Variants in CCDC30 observed in about 807,000 individuals in gnomAD.
The protein encoded by CCDC30 is coiled-coil domain-containing protein 30.
CCDC30 carries 70 observed loss-of-function variants against 100.2 expected under a neutral mutation model. That is an observed-to-expected ratio of 0.70 (90% CI 0.58 to 0.85). CCDC30 has a LOEUF of 0.85. Among genes scored for constraint, CCDC30 ranks in the 40% least tolerant of loss-of-function variants. CCDC30 has a pLI of 0.00. For missense variants in CCDC30, 652 were observed against 771.2 expected, an observed-to-expected ratio of 0.85 and a Z score of 1.83; for synonymous variants, 233 against 269.5, an observed-to-expected ratio of 0.86 and a Z score of 1.33.
rs1416800948 is a variant in CCDC30 at position 42,521,480 on chromosome 1, A to C, written c.456+22564A>C. On this transcript the variant is annotated intron_variant, in intron 6 of 16. Transcript: ENST00000668663. ...GACTTAATTTGTGGTTTAACATATGATCTATCTTGTAGATTGTCCTGTGTG... is the reference window on the plus strand; with the variant it reads ...GACTTAATTTGTGGTTTAACATATGCTCTATCTTGTAGATTGTCCTGTGTG... Among the ~76,000 whole-genome samples, 8 of 152,272 alleles carry C rather than the reference A, an allele frequency of 5.3e-5. No individual in the cohort carries two copies. The East Asian group carries it at 1.5e-3, about 29-fold the overall frequency.
At chr1:42,532,548 C>CTA (rs1644821935) in intron 6 of CCDC30, among the ~76,000 whole-genome samples, 1 of 152,170 alleles carries the variant, frequency 6.6e-6, no homozygotes, top group South Asian at 2.1e-4. Flanking sequence ...TATTGAGCAT[C>CTA]TATCATGTGT....
intron 6 of CCDC30, among the ~76,000 whole-genome samples, chr1:42,505,718 G>A (rs967095909): frequency 1.3e-5 from 2 of 152,182 alleles, no homozygotes; most frequent in African/African-American, 2.4e-5. Flanking sequence ...TTAAATACCT[G>A]TGAGTTGGGT....
At chr1:42,538,147 CACAAAAAA>C (rs1644941613) in intron 6 of CCDC30, among the ~76,000 whole-genome samples, 1 of 49,400 alleles carries the variant, frequency 2.0e-5, no homozygotes, top group Non-Finnish European at 3.8e-5. Context: ...ACACTGTCTC[CACAAAAAA>C]AAAAAAAAAA....
chr1:42,534,807 A>G (rs1002410132), intron 6 of CCDC30: 10 of 152,190 alleles, frequency 6.6e-5, no homozygotes, highest in African/African-American at 2.4e-4. Context: ...CAGGGCTACT[A>G]CCTCAGAAGA....
intron 6 of CCDC30, among the ~76,000 whole-genome samples, chr1:42,543,790 T>A (rs7513162): frequency 0.39 from 58,707 of 152,078 alleles, 11,807 homozygotes; most frequent in East Asian, 0.59. Flanking sequence ...ATATGAGATT[T>A]TATGGATTTT....
chr1:42,456,899 C>CT, the CCDC30 span: 1 of 1,612,114 alleles, frequency 6.2e-7, no homozygotes, highest in African/African-American at 1.3e-5. Context: ...GGGCCCAGCC[C>CT]TTTCGGGCTT....
At chr1:42,613,404 A>G (rs939139421) in intron 11 of CCDC30, among the ~76,000 whole-genome samples, 1 of 151,388 alleles carries the variant, frequency 6.6e-6, no homozygotes, top group Non-Finnish European at 1.5e-5. Flanking sequence ...ACAGGCGCCC[A>G]CTGCCACGCC....
chr1:42,505,716 C>T (rs1312179346), intron 6 of CCDC30, among the ~76,000 whole-genome samples: 2 of 152,124 alleles, frequency 1.3e-5, no homozygotes, highest in African/African-American at 2.4e-5. Flanking sequence ...CCTTAAATAC[C>T]TGTGAGTTGG....
rs72952271 is a variant in CCDC30 at position 42,478,821 on chromosome 1, T to C, written c.-91-1640T>C. On this transcript the variant is annotated intron_variant, in intron 1 of 16. Coordinates refer to ENST00000668663, the Ensembl canonical transcript of CCDC30. ...CCCCCCCAAGATACCCATTTTATGA[T>C]AAAATATAGCCTGTAACATTTGTGT... Among the ~76,000 whole-genome samples, 1,241 of 152,284 alleles carry C rather than the reference T, an allele frequency of 8.1e-3. 12 individuals carry two copies. Among genetic ancestry groups the C allele is most frequent in the African/African-American group, 0.027 (1,123 of 41,562 alleles).
chr1:42,597,626 T>C (rs569553997), intron 10 of CCDC30, among the ~76,000 whole-genome samples: 11 of 133,094 alleles, frequency 8.3e-5, no homozygotes, highest in Non-Finnish European at 1.5e-4. Context: ...TGAAACCCCA[T>C]CCCTACAAAA....
chr1:42,587,148 C>A (rs1179562659), intron 9 of CCDC30, among the ~76,000 whole-genome samples: 2 of 152,096 alleles, frequency 1.3e-5, no homozygotes, highest in African/African-American at 4.8e-5. Context: ...CAGGCGCATG[C>A]CACCATGCCT....
intron 1 of CCDC30, chr1:42,473,041 G>A (rs16829578): frequency 3.3e-6 from 4 of 1,196,444 alleles, no homozygotes; most frequent in African/African-American, 1.6e-5. Context: ...GGAGACTAAG[G>A]TGGCACCCAC....
chr1:42,566,845 G>A (rs1645616587), intron 7 of CCDC30, among the ~76,000 whole-genome samples: 1 of 152,040 alleles, frequency 6.6e-6, no homozygotes, highest in Admixed American at 6.6e-5. Flanking sequence ...CTGCACCAAG[G>A]TACAATTCGT....
At chr1:42,476,088 G>C (rs1285919532) in intron 1 of CCDC30, among the ~76,000 whole-genome samples, 4 of 152,170 alleles carry the variant, frequency 2.6e-5, no homozygotes, top group Non-Finnish European at 5.9e-5. Context: ...AGGCTGAAAA[G>C]ATAAGAGTTA....
intron 1 of CCDC30, among the ~76,000 whole-genome samples, chr1:42,466,341 G>C (rs1329727000): frequency 1.3e-5 from 2 of 152,130 alleles, no homozygotes; most frequent in African/African-American, 4.8e-5. Flanking sequence ...AAAAAACAAG[G>C]AGACTGCACC....
At chr1:42,548,246 A>G (rs1247182787) in intron 6 of CCDC30, among the ~76,000 whole-genome samples, 1 of 152,188 alleles carries the variant, frequency 6.6e-6, no homozygotes, top group Non-Finnish European at 1.5e-5. Flanking sequence ...AGCGTGGAGG[A>G]TACTAGAACA....
At chr1:42,482,916 A>C (rs1405160975) in intron 3 of CCDC30, 100 bp downstream of exon 3, 2 of 814,388 alleles carry the variant, frequency 2.5e-6, no homozygotes, top group East Asian at 6.7e-5. Flanking sequence ...CTGAGAAACA[A>C]GTCTTTAAGA....
intron 4 of CCDC30, among the ~76,000 whole-genome samples, chr1:42,494,505 G>A (rs1339997552): frequency 6.6e-6 from 1 of 152,138 alleles, no homozygotes; most frequent in African/African-American, 2.4e-5. Flanking sequence ...ATTGACAAAT[G>A]GGATCTAATT....
intron 11 of CCDC30, among the ~76,000 whole-genome samples, chr1:42,617,968 G>A (rs1646756743): frequency 1.3e-5 from 2 of 152,150 alleles, no homozygotes; most frequent in Non-Finnish European, 2.9e-5. Context: ...AAGTTAGTTG[G>A]GCCTACACCT....
Sources: gnomAD v4.1 joint callset for allele counts (sites outside exome capture counted in the v4.1 genomes callset) on GRCh38, gnomAD v4.1.1 for gene constraint, MANE v1.5 for transcripts, NCBI Gene and HGNC (gene_info 2026-07-23, HGNC 2026-07-21) for gene names.